Variants in RNFT2 observed in about 807,000 individuals in gnomAD.
The protein encoded by RNFT2 is E3 ubiquitin-protein ligase RNFT2.
In RNFT2, 36 loss-of-function variants were observed where a neutral mutation model predicts 53.0. The observed-to-expected ratio is 0.68, with a 90% CI of 0.52 to 0.90. The LOEUF (loss-of-function observed/expected upper bound fraction) is 0.90, where lower values mean the gene tolerates loss of function less well. Among genes scored for constraint, RNFT2 ranks in the 40% least tolerant of loss-of-function variants. The pLI is 0.00. For missense variants in RNFT2, 514 were observed against 585.6 expected (o/e 0.88, Z 1.26); for synonymous variants, 260 against 253.2 (o/e 1.03, Z -0.26).
At chr12:116,757,441 T>G (rs188901230) in intron 5 of RNFT2, among the ~76,000 whole-genome samples, 1 of 152,170 alleles carries the variant, frequency 6.6e-6, no homozygotes, top group East Asian at 1.9e-4. Context: ...CTTTCAGTCT[T>G]TTTGATGTAA....
chr12:116,755,269 TTA>T, intron 5 of RNFT2: 1 of 625,498 alleles, frequency 1.6e-6, no homozygotes, highest in Admixed American at 3.0e-5. Context: ...TATGTTTTTG[TTA>T]TGTTCAGTTA....
At chr12:116,779,596 C>T (rs991114531) in intron 7 of RNFT2, among the ~76,000 whole-genome samples, 1 of 152,180 alleles carries the variant, frequency 6.6e-6, no homozygotes, top group African/African-American at 2.4e-5. Flanking sequence ...AGGTTGTTCA[C>T]AGCTACCCTT....
chr12:116,814,213 C>T (rs1875524846), intron 7 of RNFT2, among the ~76,000 whole-genome samples: 1 of 152,172 alleles, frequency 6.6e-6, no homozygotes, highest in South Asian at 2.1e-4. Flanking sequence ...ATCCACTGAA[C>T]CAGTATTTTT....
intron 5 of RNFT2, among the ~76,000 whole-genome samples, chr12:116,756,985 T>A (rs1235525395): frequency 6.6e-6 from 1 of 152,076 alleles, no homozygotes; most frequent in African/African-American, 2.4e-5. Flanking sequence ...ATTTTTAAAT[T>A]ACCATTTCAA....
At chr12:116,771,133 A>T (rs1255016217) in intron 6 of RNFT2, among the ~76,000 whole-genome samples, 1 of 152,074 alleles carries the variant, frequency 6.6e-6, no homozygotes, top group African/African-American at 2.4e-5. Flanking sequence ...CTGACTCCTG[A>T]CCTAAAATAT....
chr12:116,849,798 T>TTC lies in RNFT2; in HGVS notation c.*362_*363dup, dbSNP rs530464125. On this transcript the variant is annotated 3_prime_UTR_variant, in exon 11 of 11. Coordinates refer to ENST00000257575, the MANE Select transcript of RNFT2 (RefSeq NM_001382266.1). Reference sequence around the variant, plus strand: ...CTCTTTCTTTTTTCTTTTCTTTTCTTTCTCTCTCTCTCTGTTTCCCTCCCT... The same window carrying TTC: ...CTCTTTCTTTTTTCTTTTCTTTTCTTTCTCTCTCTCTCTCTGTTTCCCTCCCT... 2.4e-3 allele frequency: 2,262 copies of TTC among 925,682 alleles called. 4 individuals are homozygous for TTC. The highest frequency in any genetic ancestry group is 2.7e-3 in the Non-Finnish European group (2,043 of 759,200). 57.3% of individuals were successfully genotyped at this position (925,682 alleles called of 1,614,324 possible).
rs1482339619 is a variant in RNFT2, at chr12:116,779,263, C to G, written c.797C>G (p.Ala266Gly). 18 of 1,613,982 alleles carry G rather than the reference C, an allele frequency of 1.1e-5. No individual in the cohort carries two copies. The highest frequency in any genetic ancestry group is 1.5e-5 in the Non-Finnish European group (18 of 1,179,890). Residue 266 changes from alanine to glycine, a missense_variant, in exon 7 of 11, where the codon GCA becomes GGA. Physicochemically the swap from Ala to Gly is moderately conservative, Grantham distance 60 (BLOSUM62 0). This residue lies in a region of RNFT2 where 273 missense variants were observed against 334.4 expected (regional missense o/e 0.82). Transcript: ENST00000257575. ...FFDLLWIVGI[A>G]DFVLKYITIA... ...GACCTGCTATGGATTGTGGGGATCG[C>G]AGACTTTGTTCTGAAGTACATCACC...
intron 5 of RNFT2, among the ~76,000 whole-genome samples, chr12:116,760,902 A>G (rs1044999036): frequency 1.3e-5 from 2 of 152,176 alleles, no homozygotes; most frequent in Non-Finnish European, 2.9e-5. Context: ...TTTTAGAGAC[A>G]GAGTCTTGCT....
At chr12:116,806,543 G>A (rs986791882) in intron 7 of RNFT2, among the ~76,000 whole-genome samples, 3 of 151,686 alleles carry the variant, frequency 2.0e-5, no homozygotes, top group Non-Finnish European at 4.4e-5. Flanking sequence ...CCAGGAGTTC[G>A]AGACCAAGCC....
rs113918104 is a variant in RNFT2, at chr12:116,763,046, C to T, written c.628-3768C>T. Among the ~76,000 whole-genome samples the T allele has an allele frequency of 9.2e-3, 1,401 of 152,218 alleles. 18 individuals are homozygous for T. The highest frequency in any genetic ancestry group is 0.032 in the African/African-American group (1,347 of 41,536). On this transcript the variant is annotated intron_variant, in intron 5 of 10. Coordinates refer to ENST00000257575, the MANE Select transcript of RNFT2 (RefSeq NM_001382266.1). Reference sequence around the variant, plus strand: ...GCAGTGAGCTATGATTGCACCACTGCACTCTAGCCTGGGCAACAGAACAAG... The same window carrying T: ...GCAGTGAGCTATGATTGCACCACTGTACTCTAGCCTGGGCAACAGAACAAG...
intron 7 of RNFT2, among the ~76,000 whole-genome samples, chr12:116,811,699 G>A (rs1170525701): frequency 1.3e-5 from 2 of 152,186 alleles, no homozygotes; most frequent in South Asian, 2.1e-4. Context: ...GTTTGTGCAT[G>A]TGTGTGTCTG....
intron 6 of RNFT2, among the ~76,000 whole-genome samples, chr12:116,776,746 G>A (rs1330251993): frequency 1.3e-5 from 2 of 152,142 alleles, no homozygotes; most frequent in Non-Finnish European, 2.9e-5. Flanking sequence ...GGAGGAGACA[G>A]ATGGGATTCA....
intron 3 of RNFT2, among the ~76,000 whole-genome samples, chr12:116,746,292 C>T (rs1871891416): frequency 6.6e-6 from 1 of 152,050 alleles, no homozygotes; most frequent in Admixed American, 6.6e-5. Flanking sequence ...CTGGGGCCCA[C>T]CCATAAAGAT....
At chr12:116,740,129 G>C (rs781092237) in intron 1 of RNFT2, among the ~76,000 whole-genome samples, 2 of 151,750 alleles carry the variant, frequency 1.3e-5, no homozygotes, top group African/African-American at 4.8e-5. Flanking sequence ...CAGGAGAATC[G>C]CTTGAACCTG....
At chr12:116,795,440 T>C (rs1874458861) in intron 7 of RNFT2, among the ~76,000 whole-genome samples, 2 of 148,632 alleles carry the variant, frequency 1.3e-5, no homozygotes, top group Non-Finnish European at 1.5e-5. Flanking sequence ...AGAAAGAAAA[T>C]GAATTCCCCT....
At position 116,746,035 on chromosome 12, in the gene RNFT2, G is replaced by A. The variant is rs544320668; in HGVS notation, c.84-3806G>A. Among the ~76,000 whole-genome samples, 4 of 152,242 alleles carry A rather than the reference G, an allele frequency of 2.6e-5. No homozygotes were observed. In the South Asian group the frequency reaches 6.2e-4, roughly 24 times the overall value. On this transcript the variant is annotated intron_variant, in intron 3 of 10. Transcript: ENST00000257575. ...GTGGATCACTTGAGCTCCGGAGTTC[G>A]AGACCAGCTTGGCCAACATGGTGAA...
chr12:116,841,296 T>C (rs538456281), intron 10 of RNFT2, among the ~76,000 whole-genome samples: 9 of 151,764 alleles, frequency 5.9e-5, no homozygotes, highest in Non-Finnish European at 1.5e-5. Flanking sequence ...CTACAAAAAA[T>C]ACAAAAATTA....
intron 4 of RNFT2, 110 bp downstream of exon 4, chr12:116,750,417 C>A: frequency 2.0e-6 from 2 of 1,007,658 alleles, no homozygotes; most frequent in Non-Finnish European, 2.9e-6. Context: ...CAGCAGAGAC[C>A]AACATGGGCT....
At chr12:116,754,221 T>G (rs951182852) in intron 5 of RNFT2, among the ~76,000 whole-genome samples, 161 bp downstream of exon 5, 3 of 152,222 alleles carry the variant, frequency 2.0e-5, no homozygotes, top group African/African-American at 7.2e-5. Context: ...GTACAATGTT[T>G]GGTTTTCCAT....
Sources: allele counts gnomAD v4.1 joint callset (sites outside exome capture counted in the v4.1 genomes callset), GRCh38; gene constraint gnomAD v4.1.1; regional missense constraint gnomAD v4.1.1; transcripts MANE v1.5; gene names NCBI Gene and HGNC (gene_info 2026-07-23, HGNC 2026-07-21).